The following WDR72 variants were observed in gnomAD, a reference collection of about 807,000 sequenced individuals.
The protein encoded by WDR72 is WD repeat-containing protein 72.
Under a neutral mutation model 124.2 loss-of-function variants are expected in WDR72, and 120 were observed. The ratio of observed to expected loss-of-function variants is 0.97; its 90% CI spans 0.83 to 1.12. The LOEUF (loss-of-function observed/expected upper bound fraction) is 1.12, where lower values mean the gene tolerates loss of function less well. WDR72 is among the 50% of genes most tolerant of loss of function. The pLI is 0.00. For synonymous variants in WDR72, 452 were observed against 441.7 expected (o/e 1.02, Z -0.29); for missense variants, 1,387 against 1,278.8 (o/e 1.08, Z -1.29).
chr15:53,555,646 A>G (rs1893902348), intron 18 of WDR72, among the ~76,000 whole-genome samples: 2 of 152,062 alleles, frequency 1.3e-5, no homozygotes, highest in Non-Finnish European at 2.9e-5. Context: ...CGACTCTCCT[A>G]CTATTTCACC....
chr15:53,536,569 C>T (rs1317492274), intron 18 of WDR72, among the ~76,000 whole-genome samples: 3 of 152,056 alleles, frequency 2.0e-5, no homozygotes, highest in Admixed American at 2.0e-4. Flanking sequence ...TACAAAAAAG[C>T]TGGATATTTA....
chr15:53,582,950 A>T (rs1403773066), intron 18 of WDR72, among the ~76,000 whole-genome samples: 4 of 152,004 alleles, frequency 2.6e-5, no homozygotes, highest in African/African-American at 9.7e-5. Flanking sequence ...GAAATATAAA[A>T]ATGATAATAT....
chr15:53,519,036 T>C (rs770409143), intron 19 of WDR72, among the ~76,000 whole-genome samples: 3 of 152,050 alleles, frequency 2.0e-5, no homozygotes, highest in Non-Finnish European at 2.9e-5. Context: ...GTCACTATTA[T>C]TTTCAGCTGA....
At chr15:53,583,927 T>C (rs998101622) in intron 18 of WDR72, among the ~76,000 whole-genome samples, 1 of 151,822 alleles carries the variant, frequency 6.6e-6, no homozygotes, top group Non-Finnish European at 1.5e-5. Context: ...CTAAGTTGCT[T>C]TGTTAAAATT....
At chr15:53,601,000 C>A (rs1231230752) in intron 17 of WDR72, among the ~76,000 whole-genome samples, 1 of 152,112 alleles carries the variant, frequency 6.6e-6, no homozygotes, top group African/African-American at 2.4e-5. Context: ...CTTCCCCCAA[C>A]CTTAAAGGTA....
At chr15:53,608,186 G>A (rs112904237) in intron 17 of WDR72, among the ~76,000 whole-genome samples, 3,157 of 152,214 alleles carry the variant, frequency 0.021, 111 homozygotes, top group African/African-American at 0.073. Context: ...GTATATCAAA[G>A]AGAAATCTGC....
intron 1 of WDR72, among the ~76,000 whole-genome samples, chr15:53,736,140 C>T (rs1216906021): frequency 6.6e-6 from 1 of 152,052 alleles, no homozygotes; most frequent in Admixed American, 6.5e-5. Context: ...AGTGAAAAGA[C>T]CCAATATTTA....
chr15:53,554,554 T>G (rs773840205), intron 18 of WDR72, among the ~76,000 whole-genome samples: 2 of 152,180 alleles, frequency 1.3e-5, no homozygotes, highest in African/African-American at 2.4e-5. Context: ...AATTTTGCTT[T>G]GTGCATATTG....
chr15:53,530,442 G>T (rs939635562), intron 18 of WDR72, among the ~76,000 whole-genome samples: 2 of 151,882 alleles, frequency 1.3e-5, no homozygotes, highest in Non-Finnish European at 2.9e-5. Flanking sequence ...TTTCTGCAAA[G>T]TCGTTTGTTT....
At chr15:53,712,237 T>C (rs987371740) in intron 7 of WDR72, among the ~76,000 whole-genome samples, 1 of 152,178 alleles carries the variant, frequency 6.6e-6, no homozygotes, top group Non-Finnish European at 1.5e-5. Context: ...GATACAAAAC[T>C]GTTGCATATA....
intron 14 of WDR72, among the ~76,000 whole-genome samples, chr15:53,652,279 A>C (rs1297769990): frequency 1.3e-5 from 2 of 152,068 alleles, no homozygotes; most frequent in Non-Finnish European, 2.9e-5. Flanking sequence ...AATCCTATGA[A>C]GCTCAGTTTC....
chr15:53,697,253 A>T (rs2017030349), intron 13 of WDR72, among the ~76,000 whole-genome samples: 1 of 152,166 alleles, frequency 6.6e-6, no homozygotes, highest in Non-Finnish European at 1.5e-5. Flanking sequence ...CCATGTGACA[A>T]CCCACTCCGT....
At position 53,613,683 on chromosome 15, in the gene WDR72, T is replaced by C. The variant is rs559788184; in HGVS notation, c.2855A>G (p.Tyr952Cys). 21 of 1,610,294 alleles carry C rather than the reference T, an allele frequency of 1.3e-5. No homozygotes were observed. In the East Asian group the frequency reaches 2.0e-4, roughly 15 times the overall value. The change falls in exon 16 of 20, where the codon TAC becomes TGC. Residue 952 changes from tyrosine (Y) to cysteine (C), a missense_variant. Transcript: ENST00000360509. ...TCTCTTACCATTTCGTAAGCAACTGTAGAAGCTTGACATATTTAAAATGTC... is the reference window on the plus strand; with the variant it reads ...TCTCTTACCATTTCGTAAGCAACTGCAGAAGCTTGACATATTTAAAATGTC... The part of the protein sequence containing the change: ...GNDILNMSSF[Y>C]SCLRNGKNES...
intron 17 of WDR72, among the ~76,000 whole-genome samples, chr15:53,602,873 CCAGA>C (rs1234304991): frequency 6.6e-6 from 1 of 152,028 alleles, no homozygotes; most frequent in East Asian, 1.9e-4. Context: ...AAGCCCAGGA[CCAGA>C]CAGATTCACA....
intron 14 of WDR72, among the ~76,000 whole-genome samples, chr15:53,624,605 G>A (rs73408271): frequency 0.068 from 10,418 of 152,206 alleles, 1,174 homozygotes; most frequent in African/African-American, 0.24. Flanking sequence ...CCTAAATATG[G>A]TCACCTTATC....
intron 18 of WDR72, among the ~76,000 whole-genome samples, chr15:53,564,051 AC>A (rs767698256): frequency 4.0e-5 from 6 of 151,876 alleles, no homozygotes; most frequent in Non-Finnish European, 8.8e-5. Context: ...ATTAATTTAT[AC>A]CCTTGAAATG....
At chr15:53,745,781 G>A (rs773486817) in intron 1 of WDR72, among the ~76,000 whole-genome samples, 1 of 152,058 alleles carries the variant, frequency 6.6e-6, no homozygotes, top group Admixed American at 6.5e-5. Flanking sequence ...CACAATTACC[G>A]CTCTTTCCTT....
chr15:53,745,995 G>A (rs2140887871), intron 1 of WDR72, among the ~76,000 whole-genome samples: 1 of 152,152 alleles, frequency 6.6e-6, no homozygotes, highest in East Asian at 1.9e-4. Context: ...CGTTATTTTG[G>A]TTGTTCTAAA....
At chr15:53,697,496 C>A (rs1426127317) in intron 13 of WDR72, among the ~76,000 whole-genome samples, 1 of 152,212 alleles carries the variant, frequency 6.6e-6, no homozygotes, top group Non-Finnish European at 1.5e-5. Context: ...TCAACTCTCA[C>A]TGGGTTCCAA....
Sources: gnomAD v4.1 joint callset for allele counts (sites outside exome capture counted in the v4.1 genomes callset) on GRCh38, gnomAD v4.1.1 for gene constraint, MANE v1.5 for transcripts, NCBI Gene and HGNC (gene_info 2026-07-23, HGNC 2026-07-21) for gene names.